Variants in MMP26 observed in about 807,000 individuals in gnomAD.
MMP26 encodes matrix metalloproteinase-26.
Under a neutral mutation model 31.0 loss-of-function variants are expected in MMP26, and 33 were observed. That is an observed-to-expected ratio of 1.06 (90% CI 0.81 to 1.42). MMP26 has a LOEUF of 1.42. Among genes scored for constraint, MMP26 ranks in the 40% most tolerant of loss-of-function variants. The pLI, the probability that MMP26 is intolerant of heterozygous loss-of-function variation, is 0.00. For missense variants in MMP26, 347 were observed against 316.1 expected (o/e 1.10, Z -0.74); for synonymous variants, 122 against 114.9 (o/e 1.06, Z -0.40).
At chr11:4,855,668 A>G (rs11034296) in intron 2 of MMP26, among the ~76,000 whole-genome samples, 30,479 of 152,248 alleles carry the variant, frequency 0.2, 3,966 homozygotes, top group South Asian at 0.34. Context: ...ATCCAGGAGA[A>G]CTTCCCCAAC....
intron 2 of MMP26, chr11:4,876,522 C>T (rs1211161346): frequency 6.6e-6 from 1 of 152,090 alleles, no homozygotes; most frequent in African/African-American, 2.4e-5. Context: ...TTAATGAGCT[C>T]TTCTCTATTT....
intron 2 of MMP26, chr11:4,924,270 C>T (rs1851236325): frequency 6.2e-7 from 1 of 1,613,988 alleles, no homozygotes; most frequent in Non-Finnish European, 8.5e-7. Flanking sequence ...CCATGGAGAC[C>T]TTCTAGACCT....
At chr11:4,783,597 A>G (rs1848895180) in intron 2 of MMP26, among the ~76,000 whole-genome samples, 1 of 152,118 alleles carries the variant, frequency 6.6e-6, no homozygotes, top group African/African-American at 2.4e-5. Flanking sequence ...ATTGATGTTG[A>G]AATGTGAAGA....
intron 2 of MMP26, among the ~76,000 whole-genome samples, chr11:4,799,604 A>G (rs1849154802): frequency 6.6e-6 from 1 of 152,142 alleles, no homozygotes; most frequent in Non-Finnish European, 1.5e-5. Flanking sequence ...CTCACGTTGC[A>G]AAATACAATC....
chr11:4,821,792 G>T (rs141833534), intron 2 of MMP26: 2 of 1,613,054 alleles, frequency 1.2e-6, no homozygotes, highest in South Asian at 2.2e-5. Flanking sequence ...GCCTTTGATC[G>T]TTTTGTGGCC....
chr11:4,979,381 A>G (rs1305796719), intron 2 of MMP26, among the ~76,000 whole-genome samples: 2 of 152,162 alleles, frequency 1.3e-5, no homozygotes, highest in South Asian at 2.1e-4. Flanking sequence ...AGGGATTGAC[A>G]GTCACTTGTT....
At chr11:4,785,516 G>A (rs1848929477) in intron 2 of MMP26, among the ~76,000 whole-genome samples, 1 of 151,882 alleles carries the variant, frequency 6.6e-6, no homozygotes, top group Admixed American at 6.6e-5. Context: ...GATTTAGTGG[G>A]TATTTCTCAT....
intron 2 of MMP26, among the ~76,000 whole-genome samples, chr11:4,850,917 T>A (rs10836762): frequency 0.24 from 32,671 of 138,222 alleles, 4,219 homozygotes; most frequent in South Asian, 0.36. Flanking sequence ...TTAAATTTTT[T>A]AATAAAATAT....
intron 2 of MMP26, among the ~76,000 whole-genome samples, chr11:4,893,948 A>G (rs10430972): frequency 0.13 from 19,234 of 151,944 alleles, 1,993 homozygotes; most frequent in East Asian, 0.61. Flanking sequence ...AAAATAAAAA[A>G]AAAAACAAAG....
At chr11:4,760,568 A>G (rs919021582) in intron 1 of MMP26, among the ~76,000 whole-genome samples, 30 of 152,244 alleles carry the variant, frequency 2.0e-4, no homozygotes, top group African/African-American at 7.2e-4. Flanking sequence ...CTTGCTACGT[A>G]TCTCTACATG....
At chr11:4,914,931 T>C in intron 2 of MMP26, 2 of 1,613,630 alleles carry the variant, frequency 1.2e-6, no homozygotes, top group Non-Finnish European at 1.7e-6. Flanking sequence ...GAAACACAGG[T>C]GTTAAGGGCC....
intron 2 of MMP26, among the ~76,000 whole-genome samples, chr11:4,934,648 C>A (rs1851406599): frequency 6.9e-6 from 1 of 144,424 alleles, no homozygotes; most frequent in Non-Finnish European, 1.5e-5. Flanking sequence ...GAAGTCCTTG[C>A]CCATGCCTAT....
At chr11:4,706,413 T>C (rs1847777671) in intron 1 of MMP26, among the ~76,000 whole-genome samples, 1 of 149,634 alleles carries the variant, frequency 6.7e-6, no homozygotes, top group South Asian at 2.1e-4. Context: ...TAAAAAAAAA[T>C]TATCCAGGCA....
intron 1 of MMP26, among the ~76,000 whole-genome samples, chr11:4,764,879 G>GACACACACACACAC (rs60775849): frequency 6.7e-6 from 1 of 150,276 alleles, no homozygotes; most frequent in Non-Finnish European, 1.5e-5. Context: ...CTCCATCACA[G>GACACACACACACAC]ACACACACAC....
intron 2 of MMP26, among the ~76,000 whole-genome samples, chr11:4,873,611 A>G (rs760858013): frequency 2.0e-5 from 3 of 152,108 alleles, no homozygotes; most frequent in Non-Finnish European, 4.4e-5. Flanking sequence ...GAATTACATA[A>G]ATAGATTTCA....
chr11:4,795,872 C>G (rs1002670231), intron 2 of MMP26, among the ~76,000 whole-genome samples: 6 of 138,464 alleles, frequency 4.3e-5, no homozygotes, highest in African/African-American at 1.6e-4. Context: ...GAGAGAGAGA[C>G]CTAACAATCA....
At chr11:4,773,939 C>G (rs546281795) in intron 2 of MMP26, among the ~76,000 whole-genome samples, 1 of 152,026 alleles carries the variant, frequency 6.6e-6, no homozygotes, top group African/African-American at 2.4e-5. Context: ...GTCTTCCAGC[C>G]TCATCCATGT....
chr11:4,816,758 C>T (rs924104877), intron 2 of MMP26, among the ~76,000 whole-genome samples: 1 of 128,148 alleles, frequency 7.8e-6, no homozygotes, highest in Non-Finnish European at 1.6e-5. Context: ...GGCTGGAACT[C>T]AGTGGCGGGA....
chr11:4,711,321 T>TTTAC (rs1847859616), intron 1 of MMP26: 3 of 152,104 alleles, frequency 2.0e-5, no homozygotes, highest in African/African-American at 7.2e-5. Flanking sequence ...ATATATTTCA[T>TTTAC]GTGAATATGT....
Sources: allele counts gnomAD v4.1 joint callset (sites outside exome capture counted in the v4.1 genomes callset), GRCh38; gene constraint gnomAD v4.1.1; transcripts MANE v1.5; gene names NCBI Gene and HGNC (gene_info 2026-07-23, HGNC 2026-07-21).